GARRE1: variants seen among roughly 807,000 people sequenced by gnomAD.
GARRE1 encodes granule associated Rac and RHOG effector 1, also known as granule associated Rac and RHOG effector protein 1.
Under a neutral mutation model 103.2 loss-of-function variants are expected in GARRE1, and 49 were observed. The ratio of observed to expected loss-of-function variants is 0.47; its 90% confidence interval spans 0.38 to 0.60. The LOEUF is 0.60. Ranked by LOEUF, GARRE1 falls within the 20% of genes least tolerant of loss-of-function variation. GARRE1 has a pLI of 0.00. For synonymous variants in GARRE1, 505 were observed against 532.8 expected (o/e 0.95, Z 0.72); for missense variants, 1,199 against 1,370.5 (o/e 0.87, Z 1.98).
chr19:34,330,434 T>C (rs768452924), intron 7 of GARRE1, 87 bp downstream of exon 7: 6 of 1,350,822 alleles, frequency 4.4e-6, no homozygotes, highest in Non-Finnish European at 6.2e-6. Flanking sequence ...TGTGTGAAAA[T>C]ATTGAATAAT....
At chr19:34,308,997 AG>A (rs1406268739) in intron 2 of GARRE1, among the ~76,000 whole-genome samples, 1 of 152,104 alleles carries the variant, frequency 6.6e-6, no homozygotes, top group Non-Finnish European at 1.5e-5. Flanking sequence ...AAATGGAGAC[AG>A]GTCATCACGT....
intron 1 of GARRE1, among the ~76,000 whole-genome samples, chr19:34,298,411 C>G (rs1475876111): frequency 3.5e-5 from 5 of 141,136 alleles, no homozygotes; most frequent in Admixed American, 1.4e-4. Flanking sequence ...GAGACTCTGT[C>G]TCAAAAAAAA....
chr19:34,299,558 A>G (rs1364940595), intron 1 of GARRE1, 121 bp from the exon 2 acceptor site: 1 of 152,180 alleles, frequency 6.6e-6, no homozygotes, highest in East Asian at 1.9e-4. Flanking sequence ...CTGCTCCTCT[A>G]AGGTTATAAT....
chr19:34,348,658 G>C (rs538397897), intron 11 of GARRE1: 1 of 165,568 alleles, frequency 6.0e-6, no homozygotes, highest in African/African-American at 2.4e-5. Flanking sequence ...GGATGTGCAG[G>C]TTTGTTGCAA....
intron 1 of GARRE1, among the ~76,000 whole-genome samples, chr19:34,271,207 G>A (rs2073784989): frequency 6.7e-6 from 1 of 149,830 alleles, no homozygotes; most frequent in Admixed American, 6.6e-5. Flanking sequence ...TGCTCTATCA[G>A]CTTCAGCTAG....
intron 1 of GARRE1, among the ~76,000 whole-genome samples, chr19:34,298,898 A>G (rs549708192): frequency 3.0e-4 from 46 of 152,292 alleles, no homozygotes; most frequent in South Asian, 2.5e-3. Flanking sequence ...AGATTCTGCT[A>G]TTTGAACCTA....
chr19:34,329,056 C>T (rs140861861), intron 6 of GARRE1, among the ~76,000 whole-genome samples: 86 of 152,280 alleles, frequency 5.6e-4, no homozygotes, highest in African/African-American at 1.9e-3. Flanking sequence ...GCAGTGATAA[C>T]GATTATTTGT....
At chr19:34,261,827 T>G (rs1287448129) in intron 1 of GARRE1, among the ~76,000 whole-genome samples, 1 of 152,174 alleles carries the variant, frequency 6.6e-6, no homozygotes, top group Admixed American at 6.5e-5. Context: ...CTAACAGCAC[T>G]TCAGGTCCTG....
intron 11 of GARRE1, 32 bp downstream of exon 11, chr19:34,348,074 T>G: frequency 7.2e-7 from 1 of 1,389,056 alleles, no homozygotes; most frequent in South Asian, 1.8e-5. Context: ...GAATCTGAGC[T>G]TGAGACCCAG....
chr19:34,259,719 CA>C (rs1242381884), intron 1 of GARRE1, among the ~76,000 whole-genome samples: 1 of 152,026 alleles, frequency 6.6e-6, no homozygotes, highest in Admixed American at 6.6e-5. Flanking sequence ...CATGAGGAGC[CA>C]GGGGCAGAAT....
chr19:34,327,962 T>G (rs542445298), intron 5 of GARRE1, 28 bp from the exon 6 acceptor site: 1 of 1,613,990 alleles, frequency 6.2e-7, no homozygotes, highest in African/African-American at 1.3e-5. Flanking sequence ...ATGGGTCACC[T>G]CTCCTCTTCC....
intron 1 of GARRE1, among the ~76,000 whole-genome samples, chr19:34,263,446 A>AT: frequency 6.7e-6 from 1 of 149,260 alleles, no homozygotes; most frequent in African/African-American, 2.5e-5. Flanking sequence ...TATGGTGTGA[A>AT]TTTTTTTCCC....
chr19:34,312,286 G>A (rs71351759), intron 2 of GARRE1, among the ~76,000 whole-genome samples: 18,838 of 152,190 alleles, frequency 0.12, 1,432 homozygotes, highest in African/African-American at 0.21. Context: ...TATTTTTACT[G>A]TGGTAAAATA....
chr19:34,346,494 C>A (rs1340830911), intron 10 of GARRE1, among the ~76,000 whole-genome samples: 11 of 152,098 alleles, frequency 7.2e-5, no homozygotes, highest in Non-Finnish European at 1.5e-5. Flanking sequence ...AGCATATAAC[C>A]TCTATCTGGC....
chr19:34,318,845 C>T (rs2074071869), intron 2 of GARRE1, among the ~76,000 whole-genome samples: 1 of 152,022 alleles, frequency 6.6e-6, no homozygotes, highest in African/African-American at 2.4e-5. Flanking sequence ...AATTCAAGAC[C>T]AGCCTGGCCA....
chr19:34,325,579 T>G (rs948250695), intron 3 of GARRE1, among the ~76,000 whole-genome samples: 3 of 152,202 alleles, frequency 2.0e-5, no homozygotes, highest in African/African-American at 7.2e-5. Context: ...TCTGTCCCCT[T>G]CTTCCACGTC....
At chr19:34,314,406 G>A (rs1484156682) in intron 2 of GARRE1, among the ~76,000 whole-genome samples, 2 of 152,096 alleles carry the variant, frequency 1.3e-5, no homozygotes, top group Non-Finnish European at 2.9e-5. Context: ...ACAATCAATG[G>A]TTATACCTAT....
At chr19:34,269,253 G>A (rs1457265908) in intron 1 of GARRE1, among the ~76,000 whole-genome samples, 1 of 152,188 alleles carries the variant, frequency 6.6e-6, no homozygotes, top group African/African-American at 2.4e-5. Context: ...ATCACCACGT[G>A]GAAGCAGGTT....
chr19:34,351,822 C>T (rs568920838), intron 13 of GARRE1, among the ~76,000 whole-genome samples: 23 of 152,202 alleles, frequency 1.5e-4, no homozygotes, highest in Non-Finnish European at 2.2e-4. Flanking sequence ...AAATTCAGGC[C>T]GGGTGTGGTG....
Sources: allele counts gnomAD v4.1 joint callset (sites outside exome capture counted in the v4.1 genomes callset), GRCh38; gene constraint gnomAD v4.1.1; transcripts MANE v1.5; gene names NCBI Gene and HGNC (gene_info 2026-07-23, HGNC 2026-07-21).